KITLG: variants seen among roughly 807,000 people sequenced by gnomAD.
KITLG encodes the protein KIT ligand, also known as c-Kit ligand.
Under a neutral mutation model 34.1 loss-of-function variants are expected in KITLG, and 13 were observed. That is an observed-to-expected ratio of 0.38 (90% CI 0.25 to 0.61). The LOEUF (loss-of-function observed/expected upper bound fraction) is 0.61, where lower values mean the gene tolerates loss of function less well. Among genes scored for constraint, KITLG ranks in the 20% least tolerant of loss-of-function variants. The pLI, the probability that KITLG is intolerant of heterozygous loss-of-function variation, is 0.60. For synonymous variants in KITLG, 110 were observed against 104.0 expected, an observed-to-expected ratio of 1.06 and a Z score of -0.35; for missense variants, 292 against 318.9, an observed-to-expected ratio of 0.92 and a Z score of 0.64.
chr12:88,516,557 A>T, intron 4 of KITLG, 67 bp from the exon 5 acceptor site: 1 of 1,013,098 alleles, frequency 9.9e-7, no homozygotes, highest in Non-Finnish European at 1.5e-6. Flanking sequence ...AAGATAATGG[A>T]CTATAAATAT....
intron 2 of KITLG, 52 bp downstream of exon 2, chr12:88,545,700 A>G: frequency 9.5e-7 from 1 of 1,049,336 alleles, no homozygotes; most frequent in Admixed American, 2.1e-5. Context: ...AAGCACAGGA[A>G]AAAGAGCCAC....
chr12:88,516,525 G>A, intron 4 of KITLG, 35 bp from the exon 5 acceptor site: 1 of 1,435,660 alleles, frequency 7.0e-7, no homozygotes, highest in Non-Finnish European at 9.7e-7. Flanking sequence ...TTTTCAAATA[G>A]TCTTCAGACT....
intron 1 of KITLG, among the ~76,000 whole-genome samples, chr12:88,564,708 A>G (rs1871391027): frequency 6.8e-6 from 1 of 146,656 alleles, no homozygotes; most frequent in African/African-American, 2.5e-5. Context: ...TTAACTTTTC[A>G]GATCTACACC....
chr12:88,534,622 C>T lies in KITLG; in HGVS notation c.130-2119G>A, dbSNP rs1426915023. On this transcript the variant is annotated intron_variant, in intron 2 of 9. Transcript: ENST00000644744. Reference sequence around the variant, plus strand: ...CCTCAAGTGATCTGCCTGCCTTGGCCTCCCAAAATGCTGGGATTACAGTCA... The same window carrying T: ...CCTCAAGTGATCTGCCTGCCTTGGCTTCCCAAAATGCTGGGATTACAGTCA... The T allele has an allele frequency of 1.0e-5, 5 of 485,138 alleles. No individual in the cohort carries two copies. The East Asian group carries it at 3.0e-4, about 29-fold the overall frequency. 30.1% of individuals were successfully genotyped at this position (485,138 alleles called of 1,614,324 possible).
intron 3 of KITLG, among the ~76,000 whole-genome samples, chr12:88,523,856 C>T (rs1396233854): frequency 6.6e-6 from 1 of 152,172 alleles, no homozygotes; most frequent in African/African-American, 2.4e-5. Flanking sequence ...CTTTAGGCAT[C>T]TAACTTTACA....
chr12:88,565,265 T>G (rs1339220424), intron 1 of KITLG, among the ~76,000 whole-genome samples: 1 of 152,024 alleles, frequency 6.6e-6, no homozygotes, highest in Non-Finnish European at 1.5e-5. Flanking sequence ...GCATCTTGAG[T>G]GTGGGTGAGC....
At chr12:88,571,156 T>C (rs1871637750) in intron 1 of KITLG, among the ~76,000 whole-genome samples, 1 of 152,220 alleles carries the variant, frequency 6.6e-6, no homozygotes, top group African/African-American at 2.4e-5. Context: ...TTACTAACAC[T>C]GAAGTTATTT....
At chr12:88,560,696 G>A (rs1239807803) in intron 1 of KITLG, among the ~76,000 whole-genome samples, 2 of 152,146 alleles carry the variant, frequency 1.3e-5, no homozygotes, top group Non-Finnish European at 2.9e-5. Flanking sequence ...TTGGCTGGGC[G>A]CTGTGGCTCA....
At chr12:88,566,072 T>C (rs1508596) in intron 1 of KITLG, among the ~76,000 whole-genome samples, 100,159 of 152,142 alleles carry the variant, frequency 0.66, 36,715 homozygotes, top group Middle Eastern at 0.86. Flanking sequence ...TTCTCCTTTA[T>C]TTATTTATTT....
At position 88,496,078 on chromosome 12, in the gene KITLG, T is replaced by A. The variant is rs1868629886; in HGVS notation, c.*1141A>T. Reference sequence around the variant, plus strand: ...TTTCTTTTTAATTCATAAACCTTAATGAATATAGAGTGCCCGATTTTAACT... The same window carrying A: ...TTTCTTTTTAATTCATAAACCTTAAAGAATATAGAGTGCCCGATTTTAACT... On this transcript the variant is annotated 3_prime_UTR_variant, in exon 10 of 10. Coordinates refer to ENST00000644744, the MANE Select transcript of KITLG (RefSeq NM_000899.5). The A allele has an allele frequency of 1.3e-5, 2 of 152,176 alleles. No homozygotes were observed. Among genetic ancestry groups the A allele is most frequent in the African/African-American group, 4.8e-5 (2 of 41,458 alleles). The allele number at this position is 152,176 out of a possible 1,614,324, so 9.4% of individuals were successfully genotyped here.
chr12:88,493,671 C>G lies in KITLG; in HGVS notation c.*3548G>C, dbSNP rs935880672. 1.3e-5 allele frequency: 2 copies of G among 151,912 alleles called. No individual in the cohort carries two copies. The highest frequency in any genetic ancestry group is 4.8e-5 in the African/African-American group (2 of 41,438). The allele number at this position is 151,912 out of a possible 1,614,324, so 9.4% of individuals were successfully genotyped here. On this transcript the variant is annotated 3_prime_UTR_variant, in exon 10 of 10. Coordinates refer to ENST00000644744, the MANE Select transcript of KITLG (RefSeq NM_000899.5). Reference sequence around the variant, plus strand: ...AATATCTTTTGGCATTCAAAACCTTCATGAGCATTTTACATTTTCTGCTCT... The same window carrying G: ...AATATCTTTTGGCATTCAAAACCTTGATGAGCATTTTACATTTTCTGCTCT...
intron 2 of KITLG, chr12:88,534,904 G>A (rs1263887141): frequency 7.5e-6 from 2 of 267,516 alleles, no homozygotes; most frequent in Admixed American, 1.1e-4. Context: ...TGTTGCAGAT[G>A]TGAAAGCGAT....
At chr12:88,508,733 G>A (rs1417402471) in intron 6 of KITLG, among the ~76,000 whole-genome samples, 1 of 152,076 alleles carries the variant, frequency 6.6e-6, no homozygotes, top group African/African-American at 2.4e-5. Context: ...ATAGCCCCAT[G>A]GGAGATATGT....
Position 88,532,524 on chromosome 12 carries a change from AT to A in KITLG, c.130-22del, listed in dbSNP as rs778387015. 33 of 1,542,008 alleles carry A rather than the reference AT, an allele frequency of 2.1e-5. No individual in the cohort carries two copies. The African/African-American group carries it at 2.9e-4, about 13-fold the overall frequency. Reference sequence around the variant, plus strand: ...GCCACCTACAGAGACAAAAAAAAAAATTCCATAAGAAAATTCTTATACATCA... The same window carrying A: ...GCCACCTACAGAGACAAAAAAAAAAATCCATAAGAAAATTCTTATACATCA... On this transcript the variant is annotated intron_variant, in intron 2 of 9. Transcript: ENST00000644744.
intron 5 of KITLG, 95 bp from the exon 6 acceptor site, chr12:88,515,712 A>G: frequency 1.2e-6 from 1 of 866,816 alleles, no homozygotes; most frequent in Non-Finnish European, 1.9e-6. Context: ...ATTACTTGCC[A>G]GGTCTGCTTC....
intron 6 of KITLG, among the ~76,000 whole-genome samples, chr12:88,515,156 C>T (rs547115242): frequency 2.6e-5 from 4 of 151,792 alleles, no homozygotes; most frequent in Non-Finnish European, 5.9e-5. Context: ...TTGTCAGACA[C>T]ATTCCACACA....
chr12:88,576,720 G>A (rs1871838884), intron 1 of KITLG, among the ~76,000 whole-genome samples: 1 of 151,968 alleles, frequency 6.6e-6, no homozygotes, highest in African/African-American at 2.4e-5. Flanking sequence ...CCATATTTTA[G>A]GTGTTTCTCA....
intron 2 of KITLG, chr12:88,534,810 C>T (rs1370399323): frequency 7.6e-6 from 3 of 392,500 alleles, no homozygotes; most frequent in South Asian, 1.9e-5. Flanking sequence ...TTTCTTTTCT[C>T]TTCTTAATCT....
chr12:88,495,144 A>G lies in KITLG; in HGVS notation c.*2075T>C, dbSNP rs1868581198. 6.6e-6 allele frequency: 1 copy of G among 152,004 alleles called. No individual in the cohort carries two copies. The highest frequency in any genetic ancestry group is 2.4e-5 in the African/African-American group (1 of 41,426). The allele number at this position is 152,004 out of a possible 1,614,324, so 9.4% of individuals were successfully genotyped here. On this transcript the variant is annotated 3_prime_UTR_variant, in exon 10 of 10. Transcript: ENST00000644744. ...AACTCCATTGATTAAGACCATGTCC[A>G]TGAGTGTTAAAACCCAGCTACTAGG...
Sources: gnomAD v4.1 joint callset for allele counts (sites outside exome capture counted in the v4.1 genomes callset) on GRCh38, gnomAD v4.1.1 for gene constraint, MANE v1.5 for transcripts, NCBI Gene and HGNC (gene_info 2026-07-23, HGNC 2026-07-21) for gene names.